The following AQR variants were observed in gnomAD, a reference collection of about 807,000 sequenced individuals.
AQR encodes the protein RNA helicase aquarius.
A neutral mutation model predicts 180.5 loss-of-function variants in AQR; 61 were observed. The observed-to-expected ratio is 0.34, with a 90% CI of 0.28 to 0.42. The LOEUF is 0.42. Ranked by LOEUF, AQR falls within the 10% of genes least tolerant of loss-of-function variation. AQR has a pLI of 1.00. For missense variants in AQR, 1,281 were observed against 1,798.3 expected, an observed-to-expected ratio of 0.71 and a Z score of 5.20; for synonymous variants, 551 against 588.8, an observed-to-expected ratio of 0.94 and a Z score of 0.93.
At position 34,854,304 on chromosome 15, in the gene AQR, G is replaced by A. The variant is rs948277424; in HGVS notation, c.*2488C>T. On this transcript the variant is annotated 3_prime_UTR_variant, in exon 35 of 35. Coordinates refer to ENST00000156471, the MANE Select transcript of AQR (RefSeq NM_014691.3). ...TTAGATATGAAAAATAGGATGGAGA[G>A]CAATGGGAACACTAATCTGAAATAG... is the stretch of plus-strand genomic sequence containing the variant. The A allele has an allele frequency of 2.0e-5, 3 of 152,118 alleles. No homozygotes were observed. The highest frequency in any genetic ancestry group is 7.2e-5 in the African/African-American group (3 of 41,426). 9.4% of individuals were successfully genotyped at this position (152,118 alleles called of 1,614,324 possible).
intron 13 of AQR, among the ~76,000 whole-genome samples, chr15:34,920,815 G>A (rs144458081): frequency 0.062 from 9,469 of 151,946 alleles, 333 homozygotes; most frequent in Middle Eastern, 0.092. Flanking sequence ...AAAATTAGCC[G>A]GGCGTGGTGG....
intron 27 of AQR, among the ~76,000 whole-genome samples, chr15:34,878,984 C>T (rs1327447797): frequency 3.3e-5 from 5 of 151,304 alleles, no homozygotes; most frequent in South Asian, 2.1e-4. Flanking sequence ...GCTGAGATTG[C>T]GCCACTGCAC....
At chr15:34,889,438 G>A (rs897298255) in intron 24 of AQR, among the ~76,000 whole-genome samples, 16 of 152,106 alleles carry the variant, frequency 1.1e-4, no homozygotes, top group Admixed American at 1.0e-3. Flanking sequence ...GCTGTTAATT[G>A]TGCTTATTAT....
chr15:34,856,862 C>T lies in AQR; in HGVS notation c.4388G>A (p.Gly1463Glu), dbSNP rs779048059. Residue 1463 changes from glycine to glutamate, a missense_variant, in exon 35 of 35, where the codon GGA becomes GAA. This residue lies in a region of AQR where 182 missense variants were observed against 185.3 expected (regional missense o/e 0.98). Transcript: ENST00000156471. ...ALSETTPTVV[G>E]AVSAPAEANT... ...AGCTTCTGCCGGTGCAGATACAGCT[C>T]CTACCACAGTAGGGGTGGTCTCAGA... The T allele has an allele frequency of 6.2e-7, 1 of 1,612,128 alleles. No individual in the cohort carries two copies. Among genetic ancestry groups the T allele is most frequent in the Non-Finnish European group, 8.5e-7 (1 of 1,179,082 alleles).
In AQR at chr15:34,893,822, C is replaced by T. The variant is rs368374039; in HGVS notation, c.2461-49G>A. ...CAAACTACTAAGTCATCACAGTTAT[C>T]ACACATTGTTAGAAAACGTGAAGTA... is the stretch of plus-strand genomic sequence containing the variant. On this transcript the variant is annotated intron_variant, in intron 22 of 34. Transcript: ENST00000156471. The T allele has an allele frequency of 3.3e-6, 5 of 1,518,546 alleles. No individual in the cohort carries two copies. In the African/African-American group the frequency reaches 6.9e-5, roughly 21 times the overall value. The allele number at this position is 1,518,546 out of a possible 1,614,324, so 94.1% of individuals were successfully genotyped here.
chr15:34,855,900 CT>C lies in AQR; in HGVS notation c.*891del, dbSNP rs745838331. 8 of 152,300 alleles carry C rather than the reference CT, an allele frequency of 5.3e-5. 2 individuals carry two copies. Among genetic ancestry groups the C allele is most frequent in the East Asian group, 1.9e-4 (1 of 5,182 alleles). The allele number at this position is 152,300 out of a possible 1,614,324, so 9.4% of individuals were successfully genotyped here. A position where few individuals can be genotyped will look rare whatever the true frequency, so the allele number is the denominator to read the frequency against. On this transcript the variant is annotated 3_prime_UTR_variant, in exon 35 of 35. Coordinates refer to ENST00000156471, the MANE Select transcript of AQR (RefSeq NM_014691.3). ...GAACCACATTTTACCTGAAGGTCTC[CT>C]TGTGGCTGGTTATCCCAAGAAAAAT...
chr15:34,937,064 G>GT (rs1466847374), intron 9 of AQR, among the ~76,000 whole-genome samples: 1 of 152,080 alleles, frequency 6.6e-6, no homozygotes, highest in Admixed American at 6.6e-5. Flanking sequence ...TTGAGACTGA[G>GT]TTTTGTTCTG....
Position 34,852,192 on chromosome 15 carries a change from AAGG to A in AQR, c.*4597_*4599del, listed in dbSNP as rs1036933161. 2.2e-5 allele frequency: 3 copies of A among 137,142 alleles called. No individual in the cohort carries two copies. Among genetic ancestry groups the A allele is most frequent in the African/African-American group, 8.8e-5 (3 of 33,976 alleles). The allele number at this position is 137,142 out of a possible 1,614,324, so 8.5% of individuals were successfully genotyped here. On this transcript the variant is annotated 3_prime_UTR_variant, in exon 35 of 35. Coordinates refer to ENST00000156471, the MANE Select transcript of AQR (RefSeq NM_014691.3). ...AAGTTATGTTTTTTTTTTTTTTTTGAAGGAGTTTTTGCTCGTCGCCCAGGCTGG... is the reference window on the plus strand; with the variant it reads ...AAGTTATGTTTTTTTTTTTTTTTTGAAGTTTTTGCTCGTCGCCCAGGCTGG...
intron 27 of AQR, among the ~76,000 whole-genome samples, chr15:34,879,182 G>A (rs1051951547): frequency 6.6e-6 from 1 of 152,144 alleles, no homozygotes; most frequent in Non-Finnish European, 1.5e-5. Context: ...GTATCCCAAA[G>A]AGTTAAAGAA....
rs936720212 is a variant in AQR at position 34,869,047 on chromosome 15, CT to C, written c.3769-1439del. 8.5e-5 allele frequency: 13 copies of C among 152,220 alleles called. 3 individuals carry two copies. Among genetic ancestry groups the C allele is most frequent in the Admixed American group, 2.6e-4 (4 of 15,282 alleles). 9.4% of individuals were successfully genotyped at this position (152,220 alleles called of 1,614,324 possible). ...TGCTGAGCTGTACAGTAAGTGCATA[CT>C]TTATAAGAAACTGTCAAACTTTTCC... is the stretch of plus-strand genomic sequence containing the variant. On this transcript the variant is annotated intron_variant, in intron 31 of 34. Transcript: ENST00000156471.
rs145764822 is a variant in AQR at position 34,919,378 on chromosome 15, G to T, written c.1221+954C>A. On this transcript the variant is annotated intron_variant, in intron 14 of 34. Transcript: ENST00000156471. ...AAAAATCATGATATCTAAACAATAT[G>T]TATGTTTTAACTTTTTGATCATAAA... is the stretch of plus-strand genomic sequence containing the variant. Among the ~76,000 whole-genome samples the T allele has an allele frequency of 7.9e-5, 12 of 152,230 alleles. No individual in the cohort carries two copies. In the East Asian group the frequency reaches 2.3e-3, roughly 29 times the overall value.
In AQR at chr15:34,853,493, A is replaced by T. The variant is rs546667812; in HGVS notation, c.*3299T>A. The T allele has an allele frequency of 6.6e-6, 1 of 152,142 alleles. No individual in the cohort carries two copies. Among genetic ancestry groups the T allele is most frequent in the Non-Finnish European group, 1.5e-5 (1 of 68,048 alleles). 9.4% of individuals were successfully genotyped at this position (152,142 alleles called of 1,614,324 possible). On this transcript the variant is annotated 3_prime_UTR_variant, in exon 35 of 35. Coordinates refer to ENST00000156471, the MANE Select transcript of AQR (RefSeq NM_014691.3). ...TGACAGAATTTTAATTTTGGCAGAGATCACTCTCGATGTTATGATGTACTG... is the reference window on the plus strand; with the variant it reads ...TGACAGAATTTTAATTTTGGCAGAGTTCACTCTCGATGTTATGATGTACTG...
chr15:34,900,812 C>T lies in AQR; in HGVS notation c.2053G>A (p.Asp685Asn), dbSNP rs529368536. 2 of 1,613,932 alleles carry T rather than the reference C, an allele frequency of 1.2e-6. No individual in the cohort carries two copies. The highest frequency in any genetic ancestry group is 2.2e-5 in the South Asian group (2 of 91,026). Reference sequence around the variant, plus strand: ...CCTAAAATGATATCGTGCAGCCAGTCAGGTACCACACAATCAGTATTCATC... The same window carrying T: ...CCTAAAATGATATCGTGCAGCCAGTTAGGTACCACACAATCAGTATTCATC... ...NLMNTDCVVPDWLHDIILGYG... is the reference protein window; with the variant it reads ...NLMNTDCVVPNWLHDIILGYG... The change falls in exon 20 of 35, where the codon GAC (aspartate) becomes AAC (asparagine). Residue 685 changes from aspartate to asparagine, a missense_variant. Physicochemically the swap from Asp to Asn is conservative, Grantham distance 23 (BLOSUM62 1). This residue lies in a region of AQR where 28 missense variants were observed against 75.3 expected (regional missense o/e 0.37). Transcript: ENST00000156471.
At chr15:34,934,717 A>AGTTAT in intron 9 of AQR, 82 bp from the exon 10 acceptor site, 1 of 813,234 alleles carries the variant, frequency 1.2e-6, no homozygotes, top group Non-Finnish European at 1.9e-6. Flanking sequence ...CAGTTATTTA[A>AGTTAT]TAACTTAAAT....
At chr15:34,946,558 C>T (rs1289951345) in intron 5 of AQR, among the ~76,000 whole-genome samples, 1 of 145,158 alleles carries the variant, frequency 6.9e-6, no homozygotes, top group Non-Finnish European at 1.5e-5. Context: ...CCTGGCCAGC[C>T]GCCCCGTCCG....
chr15:34,925,170 CA>C (rs1311943862), intron 13 of AQR, among the ~76,000 whole-genome samples: 1 of 151,698 alleles, frequency 6.6e-6, no homozygotes, highest in Non-Finnish European at 1.5e-5. Flanking sequence ...TCTTTAAAAT[CA>C]GTAAGATGAC....
In AQR at chr15:34,940,862, T is replaced by A. The variant is rs1349536894; in HGVS notation, c.641+37A>T. ...ATCATCTAAGGTCCACAATCCAGCA[T>A]AATAAGCCAACATGAAATGAAGCTC... On this transcript the variant is annotated intron_variant, in intron 8 of 34. Transcript: ENST00000156471. 5 of 1,501,526 alleles carry A rather than the reference T, an allele frequency of 3.3e-6. 1 individual carries two copies. The Admixed American group carries it at 8.7e-5, about 26-fold the overall frequency. 93.0% of individuals were successfully genotyped at this position (1,501,526 alleles called of 1,614,324 possible).
chr15:34,923,156 ATTG>A lies in AQR; in HGVS notation c.1119-2725_1119-2723del, dbSNP rs576602368. On this transcript the variant is annotated intron_variant, in intron 13 of 34. Coordinates refer to ENST00000156471, the MANE Select transcript of AQR (RefSeq NM_014691.3). ...TTGTTATAACTGTTCTCTTATTATT[ATTG>A]TTGTTAATCTCTTACTGTGCCTACT... Among the ~76,000 whole-genome samples the A allele has an allele frequency of 4.6e-5, 7 of 152,228 alleles. No individual in the cohort carries two copies. The East Asian group carries it at 1.2e-3, about 25-fold the overall frequency.
Position 34,944,329 on chromosome 15 carries a change from T to C in AQR, c.430A>G (p.Thr144Ala), listed in dbSNP as rs1464026109. Residue 144 changes from threonine to alanine, a missense_variant, in exon 6 of 35, where the codon ACA becomes GCA. By Grantham distance (58) the Thr-to-Ala change is moderately conservative (BLOSUM62 0). Transcript: ENST00000156471. Reference protein sequence around the residue: ...TDGEFSLHEQTVLLLFLDHCF... With the variant: ...TDGEFSLHEQAVLLLFLDHCF... ...TGATCAAGAAAAAGTAGTAAGACTG[T>C]CTGTTCATGAAGTGAAAATTCACCA... is the stretch of plus-strand genomic sequence containing the variant. 6.2e-7 allele frequency: 1 copy of C among 1,609,008 alleles called. No individual in the cohort carries two copies. Among genetic ancestry groups the C allele is most frequent in the Admixed American group, 1.7e-5 (1 of 58,996 alleles).
Sources: gnomAD v4.1 joint callset for allele counts (sites outside exome capture counted in the v4.1 genomes callset) on GRCh38, gnomAD v4.1.1 for gene constraint, gnomAD v4.1.1 regional missense constraint, MANE v1.5 for transcripts, NCBI Gene and HGNC (gene_info 2026-07-23, HGNC 2026-07-21) for gene names.